RANBP17: variants seen among roughly 807,000 people sequenced by gnomAD.
The protein encoded by RANBP17 is ran-binding protein 17.
RANBP17 carries 158 observed loss-of-function variants against 141.2 expected under a neutral mutation model. The observed-to-expected ratio is 1.12, with a 90% CI of 0.98 to 1.28. RANBP17 has a LOEUF of 1.28. Ranked by LOEUF, RANBP17 falls within the 50% of genes most tolerant of loss-of-function variation. The probability of loss-of-function intolerance (pLI) is 0.00; values close to 1 mark genes in which losing one functional copy is unlikely to be tolerated. For synonymous variants in RANBP17, 430 were observed against 450.0 expected, an observed-to-expected ratio of 0.96 and a Z score of 0.56; for missense variants, 1,438 against 1,290.7, an observed-to-expected ratio of 1.11 and a Z score of -1.75.
At chr5:171,008,816 G>A (rs879565203) in intron 14 of RANBP17, among the ~76,000 whole-genome samples, 1 of 152,166 alleles carries the variant, frequency 6.6e-6, no homozygotes, top group Admixed American at 6.5e-5. Context: ...CAGGGGATAT[G>A]ATGGCTTAGA....
At chr5:171,165,447 G>A (rs141347581) in intron 14 of RANBP17, among the ~76,000 whole-genome samples, 2,120 of 152,076 alleles carry the variant, frequency 0.014, 41 homozygotes, top group African/African-American at 0.048. Flanking sequence ...CAAAGTGCTG[G>A]GATTATAGGC....
chr5:171,105,787 T>C (rs1363400647), intron 14 of RANBP17, among the ~76,000 whole-genome samples: 1 of 152,158 alleles, frequency 6.6e-6, no homozygotes, highest in Non-Finnish European at 1.5e-5. Flanking sequence ...TTAGAATCAG[T>C]TTTTTTAGAC....
Position 171,242,829 on chromosome 5 carries a change from C to A in RANBP17, c.2776+9C>A. On this transcript the variant is annotated intron_variant, in intron 24 of 27. Transcript: ENST00000523189. ...GGGACTCACTACTCTTGGTAAGGAT[C>A]ATAGAGGACATTGTTTCCATAGGAA... 6.2e-7 allele frequency: 1 copy of A among 1,612,356 alleles called. No homozygotes were observed. Among genetic ancestry groups the A allele is most frequent in the Non-Finnish European group, 8.5e-7 (1 of 1,178,866 alleles).
chr5:171,171,014 A>G (rs1471015815), intron 15 of RANBP17, among the ~76,000 whole-genome samples, 192 bp from the exon 16 acceptor site: 1 of 152,132 alleles, frequency 6.6e-6, no homozygotes, highest in Non-Finnish European at 1.5e-5. Context: ...TTGGAGAGCA[A>G]TATTCATTGC....
intron 14 of RANBP17, among the ~76,000 whole-genome samples, chr5:171,089,723 C>G (rs1786067827): frequency 6.6e-6 from 1 of 152,146 alleles, no homozygotes; most frequent in Admixed American, 6.5e-5. Flanking sequence ...CCCGATTTTC[C>G]AGGTGCGTTC....
chr5:170,951,685 C>A (rs993199131), intron 12 of RANBP17, among the ~76,000 whole-genome samples: 1 of 152,048 alleles, frequency 6.6e-6, no homozygotes, highest in Non-Finnish European at 1.5e-5. Context: ...TACTAAAAAA[C>A]ATTGAATTAT....
chr5:171,133,955 A>G (rs1293754054), intron 14 of RANBP17, among the ~76,000 whole-genome samples: 1 of 152,224 alleles, frequency 6.6e-6, no homozygotes, highest in African/African-American at 2.4e-5. Flanking sequence ...CATTTAATGA[A>G]TTTTGTTCTA....
chr5:171,188,605 G>T (rs954116433), intron 18 of RANBP17, among the ~76,000 whole-genome samples: 4 of 152,226 alleles, frequency 2.6e-5, no homozygotes, highest in African/African-American at 9.6e-5. Flanking sequence ...AGTGAAAGAA[G>T]TGGGGAGACC....
At chr5:170,960,714 A>G (rs1033945838) in intron 13 of RANBP17, among the ~76,000 whole-genome samples, 2 of 152,150 alleles carry the variant, frequency 1.3e-5, no homozygotes, top group Non-Finnish European at 2.9e-5. Flanking sequence ...TACAGATCTG[A>G]TTATGTCAAT....
intron 14 of RANBP17, among the ~76,000 whole-genome samples, chr5:171,160,753 A>G (rs1007353958): frequency 4.6e-5 from 7 of 152,192 alleles, no homozygotes; most frequent in East Asian, 1.9e-4. Flanking sequence ...CCACACTTCT[A>G]TAATGAAAGT....
chr5:171,101,581 T>G lies in RANBP17; in HGVS notation c.1711-68549T>G, dbSNP rs371910164. On this transcript the variant is annotated intron_variant, in intron 14 of 27. Transcript: ENST00000523189. ...CCGTCTGTGACTTTTAATTTGGGCA[T>G]TTAACCCATTTACATTTAAGGTTAA... Among the ~76,000 whole-genome samples, 33 of 152,354 alleles carry G rather than the reference T, an allele frequency of 2.2e-4. 1 individual carries two copies. The South Asian group carries it at 6.6e-3, about 31-fold the overall frequency.
intron 11 of RANBP17, among the ~76,000 whole-genome samples, chr5:170,923,842 A>T (rs1169303214): frequency 1.3e-5 from 2 of 152,144 alleles, no homozygotes; most frequent in East Asian, 3.9e-4. Context: ...TTGACCTCGT[A>T]TGCTATGACC....
At chr5:171,221,102 A>G (rs1763528094) in intron 21 of RANBP17, among the ~76,000 whole-genome samples, 1 of 152,164 alleles carries the variant, frequency 6.6e-6, no homozygotes, top group African/African-American at 2.4e-5. Flanking sequence ...AAAATCAAAT[A>G]TGTCAGGAGG....
intron 14 of RANBP17, among the ~76,000 whole-genome samples, chr5:170,977,860 A>T (rs191655571): frequency 1.0e-3 from 154 of 152,198 alleles, no homozygotes; most frequent in African/African-American, 3.6e-3. Context: ...TTGGGTAGTC[A>T]TGGACAAAAG....
intron 1 of RANBP17, among the ~76,000 whole-genome samples, chr5:170,866,623 C>T (rs748958865): frequency 6.6e-5 from 10 of 151,192 alleles, no homozygotes; most frequent in Non-Finnish European, 1.2e-4. Flanking sequence ...TGCAGTGAGC[C>T]GAGATCGCAC....
intron 14 of RANBP17, among the ~76,000 whole-genome samples, chr5:171,035,505 C>A (rs984065474): frequency 2.7e-5 from 4 of 149,540 alleles, no homozygotes; most frequent in Admixed American, 6.7e-5. Flanking sequence ...ACATGTTAAC[C>A]CGATCATGTA....
intron 12 of RANBP17, among the ~76,000 whole-genome samples, chr5:170,932,311 A>G (rs986703390): frequency 6.6e-6 from 1 of 152,220 alleles, no homozygotes; most frequent in Non-Finnish European, 1.5e-5. Flanking sequence ...TTTTGGGCTG[A>G]GACAGTGGGG....
rs1316094804 is a variant in RANBP17 at position 171,243,110 on chromosome 5, AACAT to A, written c.2776+292_2776+295del. 6 of 308,064 alleles carry A rather than the reference AACAT, an allele frequency of 1.9e-5. No individual in the cohort carries two copies. The East Asian group carries it at 4.6e-4, about 24-fold the overall frequency. The allele number at this position is 308,064 out of a possible 1,614,324, so 19.1% of individuals were successfully genotyped here. ...TTGTACAAATGTGTACATGTACACA[AACAT>A]AACCACCACGACCAATATGTAGCAC... is the stretch of plus-strand genomic sequence containing the variant. On this transcript the variant is annotated intron_variant, in intron 24 of 27. Coordinates refer to ENST00000523189, the MANE Select transcript of RANBP17 (RefSeq NM_022897.5).
At chr5:171,106,261 G>C (rs1203534684) in intron 14 of RANBP17, among the ~76,000 whole-genome samples, 1 of 152,154 alleles carries the variant, frequency 6.6e-6, no homozygotes, top group East Asian at 1.9e-4. Context: ...GGACAGACAG[G>C]AGAGAGGAAT....
Sources: gnomAD v4.1 joint callset for allele counts (sites outside exome capture counted in the v4.1 genomes callset) on GRCh38, gnomAD v4.1.1 for gene constraint, MANE v1.5 for transcripts, NCBI Gene and HGNC (gene_info 2026-07-23, HGNC 2026-07-21) for gene names.